The following SNIP1 variants were observed in gnomAD, a reference collection of about 807,000 sequenced individuals.
SNIP1 encodes smad nuclear-interacting protein 1.
In SNIP1, 23 loss-of-function variants were observed where a neutral mutation model predicts 37.4. The observed-to-expected ratio is 0.61, with a 90% CI of 0.44 to 0.87. The LOEUF (loss-of-function observed/expected upper bound fraction) is 0.87, where lower values mean the gene tolerates loss of function less well. Ranked by LOEUF, SNIP1 falls within the 40% of genes least tolerant of loss-of-function variation. The pLI is 0.00. For missense variants in SNIP1, 459 were observed against 540.4 expected, an observed-to-expected ratio of 0.85 and a Z score of 1.49; for synonymous variants, 174 against 200.0, an observed-to-expected ratio of 0.87 and a Z score of 1.10.
chr1:37,538,611 T>G (rs1557624213), intron 3 of SNIP1, among the ~76,000 whole-genome samples: 1 of 152,094 alleles, frequency 6.6e-6, no homozygotes, highest in Non-Finnish European at 1.5e-5. Flanking sequence ...TCTCTTGCTG[T>G]GGTTAAGAAA....
chr1:37,540,866 T>C lies in SNIP1; in HGVS notation c.328-111A>G. The C allele has an allele frequency of 9.5e-7, 1 of 1,051,830 alleles. No individual in the cohort carries two copies. Among genetic ancestry groups the C allele is most frequent in the African/African-American group, 1.6e-5 (1 of 62,972 alleles). The allele number at this position is 1,051,830 out of a possible 1,614,324, so 65.2% of individuals were successfully genotyped here. A position where few individuals can be genotyped will look rare whatever the true frequency, so the allele number is the denominator to read the frequency against. On this transcript the variant is annotated intron_variant, in intron 2 of 3. Transcript: ENST00000296215. The surrounding 1 kb of genome is among the most constrained non-coding windows in gnomAD (Gnocchi z 5.6). Reference sequence around the variant, plus strand: ...GCAAAAAGTCTTGTAATTTGGACTTTGGCATTTAGAACAACATTTCCCACA... The same window carrying C: ...GCAAAAAGTCTTGTAATTTGGACTTCGGCATTTAGAACAACATTTCCCACA...
intron 2 of SNIP1, among the ~76,000 whole-genome samples, chr1:37,545,968 G>A (rs1015083965): frequency 5.3e-5 from 8 of 152,186 alleles, no homozygotes; most frequent in African/African-American, 1.4e-4. Flanking sequence ...TAGTTAGTGC[G>A]GAAAACAGTA....
At position 37,540,773 on chromosome 1, in the gene SNIP1, T is replaced by A. The variant is rs763335494; in HGVS notation, c.328-18A>T. ...TCACGCTCCTAAAATTCAAACAGATTCTGTAATTTAAACGCAGTGCACAAT... is the reference window on the plus strand; with the variant it reads ...TCACGCTCCTAAAATTCAAACAGATACTGTAATTTAAACGCAGTGCACAAT... On this transcript the variant is annotated intron_variant, in intron 2 of 3. Coordinates refer to ENST00000296215, the MANE Select transcript of SNIP1 (RefSeq NM_024700.4). This position sits in a 1 kb window ranked among gnomAD's most constrained non-coding sequence, Gnocchi z 5.6. 8.9e-5 allele frequency: 139 copies of A among 1,565,824 alleles called. No individual in the cohort carries two copies. Among genetic ancestry groups the A allele is most frequent in the Non-Finnish European group, 1.2e-4 (134 of 1,155,546 alleles).
rs542600874 is a variant in SNIP1 at position 37,535,461 on chromosome 1, C to A, written c.*2287G>T. On this transcript the variant is annotated 3_prime_UTR_variant, in exon 4 of 4. Coordinates refer to ENST00000296215, the MANE Select transcript of SNIP1 (RefSeq NM_024700.4). Reference sequence around the variant, plus strand: ...GCATAAAGAATTTCTTAATCCAGGACGTTATTCCTCTACTAAAATAAAAAC... The same window carrying A: ...GCATAAAGAATTTCTTAATCCAGGAAGTTATTCCTCTACTAAAATAAAAAC... 3 of 151,806 alleles carry A rather than the reference C, an allele frequency of 2.0e-5. No homozygotes were observed. The highest frequency in any genetic ancestry group is 2.1e-4 in the South Asian group (1 of 4,808). The allele number at this position is 151,806 out of a possible 1,614,324, so 9.4% of individuals were successfully genotyped here. A position where few individuals can be genotyped will look rare whatever the true frequency, so the allele number is the denominator to read the frequency against.
chr1:37,541,904 AC>A (rs1242325960), intron 2 of SNIP1, among the ~76,000 whole-genome samples: 2 of 152,218 alleles, frequency 1.3e-5, no homozygotes, highest in Non-Finnish European at 2.9e-5. Context: ...ATGAGGTACA[AC>A]AGCAAAACTA....
chr1:37,540,058 T>C lies in SNIP1; in HGVS notation c.926+99A>G. ...TACTCTTTAGATAACATATGAGGGG[T>C]ATGGGATTCTTCTGCATAAACATGA... On this transcript the variant is annotated intron_variant, in intron 3 of 3. Transcript: ENST00000296215. This position sits in a 1 kb window ranked among gnomAD's most constrained non-coding sequence, Gnocchi z 5.6. 1.1e-6 allele frequency: 1 copy of C among 948,318 alleles called. No individual in the cohort carries two copies. Among genetic ancestry groups the C allele is most frequent in the Non-Finnish European group, 1.6e-6 (1 of 620,348 alleles). The allele number at this position is 948,318 out of a possible 1,614,324, so 58.7% of individuals were successfully genotyped here. A position where few individuals can be genotyped will look rare whatever the true frequency, so the allele number is the denominator to read the frequency against.
chr1:37,550,390 G>A (rs1643286840), intron 2 of SNIP1, among the ~76,000 whole-genome samples: 1 of 152,142 alleles, frequency 6.6e-6, no homozygotes, highest in African/African-American at 2.4e-5. Context: ...CAGTAAAAAA[G>A]CAAATAATAG....
intron 2 of SNIP1, among the ~76,000 whole-genome samples, chr1:37,542,885 C>T (rs1310158020): frequency 2.0e-5 from 3 of 151,984 alleles, no homozygotes; most frequent in African/African-American, 7.3e-5. Flanking sequence ...CATGGCAAAA[C>T]CCCATTTCTA....
At chr1:37,543,397 C>T (rs1402462617) in intron 2 of SNIP1, among the ~76,000 whole-genome samples, 6 of 151,378 alleles carry the variant, frequency 4.0e-5, no homozygotes, top group African/African-American at 1.5e-4. Flanking sequence ...ACTGTAATTT[C>T]GTAATTTAAA....
At position 37,540,853 on chromosome 1, in the gene SNIP1, G is replaced by C; in HGVS notation, c.328-98C>G. ...GAACGAAGTGCATGCAAAAAGTCTT[G>C]TAATTTGGACTTTGGCATTTAGAAC... On this transcript the variant is annotated intron_variant, in intron 2 of 3. Transcript: ENST00000296215. This position sits in a 1 kb window ranked among gnomAD's most constrained non-coding sequence, Gnocchi z 5.6. 1 of 1,210,968 alleles carries C rather than the reference G, an allele frequency of 8.3e-7. No homozygotes were observed. Among genetic ancestry groups the C allele is most frequent in the Admixed American group, 2.4e-5 (1 of 41,806 alleles). 75.0% of individuals were successfully genotyped at this position (1,210,968 alleles called of 1,614,324 possible).
Position 37,537,657 on chromosome 1 carries a change from T to C in SNIP1, c.*91A>G, listed in dbSNP as rs539940441. The C allele has an allele frequency of 1.9e-5, 26 of 1,389,686 alleles. No homozygotes were observed. The highest frequency in any genetic ancestry group is 1.9e-4 in the Middle Eastern group (1 of 5,368). The allele number at this position is 1,389,686 out of a possible 1,614,324, so 86.1% of individuals were successfully genotyped here. On this transcript the variant is annotated 3_prime_UTR_variant, in exon 4 of 4. Coordinates refer to ENST00000296215, the MANE Select transcript of SNIP1 (RefSeq NM_024700.4). ...GTAAGAGGCATTACAGAGAGCACCATAGTGCTGGACCCACCACCATAGTGC... is the reference window on the plus strand; with the variant it reads ...GTAAGAGGCATTACAGAGAGCACCACAGTGCTGGACCCACCACCATAGTGC...
At chr1:37,544,575 C>A (rs528195957) in intron 2 of SNIP1, among the ~76,000 whole-genome samples, 10 of 152,140 alleles carry the variant, frequency 6.6e-5, no homozygotes, top group Non-Finnish European at 7.4e-5. Context: ...ACGTTCTTTG[C>A]GGAAAGTCCC....
chr1:37,549,076 G>A (rs1252790174), intron 2 of SNIP1: 9 of 149,420 alleles, frequency 6.0e-5, no homozygotes, highest in Admixed American at 2.0e-4. Flanking sequence ...GATTGTCTAC[G>A]TAGAAAATCC....
In SNIP1 at chr1:37,554,239, T is replaced by C; in HGVS notation, c.-10A>G. The C allele has an allele frequency of 1.3e-6, 2 of 1,586,644 alleles. No homozygotes were observed. The highest frequency in any genetic ancestry group is 1.7e-6 in the Non-Finnish European group (2 of 1,163,920). The stretch of plus-strand genomic sequence containing the variant: ...TCTTCACCGCCTTCATTCTGTGATT[T>C]TGGCTGGGCGAAAGAAAACAGATCA... On this transcript the variant is annotated 5_prime_UTR_variant, in exon 1 of 4. Coordinates refer to ENST00000296215, the MANE Select transcript of SNIP1 (RefSeq NM_024700.4).
chr1:37,540,156 C>A lies in SNIP1; in HGVS notation c.926+1G>T. On this transcript the variant is annotated splice_donor_variant, in intron 3 of 3. Transcript: ENST00000296215. LOFTEE classifies it high-confidence loss of function. This position sits in a 1 kb window ranked among gnomAD's most constrained non-coding sequence, Gnocchi z 5.6. ...ACAGTTTCTTCCTCCATGTTACTTA[C>A]CGATATTGAAAGACCGCATGCTGCT... The A allele has an allele frequency of 6.4e-7, 1 of 1,572,922 alleles. No homozygotes were observed. The highest frequency in any genetic ancestry group is 8.7e-7 in the Non-Finnish European group (1 of 1,154,120).
intron 2 of SNIP1, among the ~76,000 whole-genome samples, chr1:37,546,431 T>C (rs566442864): frequency 1.2e-4 from 19 of 152,278 alleles, no homozygotes; most frequent in Admixed American, 6.5e-4. Flanking sequence ...TCTAGCACTT[T>C]GGGAGGCTGA....
intron 2 of SNIP1, among the ~76,000 whole-genome samples, chr1:37,549,855 A>G (rs1643281542): frequency 6.6e-6 from 1 of 152,264 alleles, no homozygotes; most frequent in Non-Finnish European, 1.5e-5. Context: ...ATATAGCTAT[A>G]GTAATCAAGA....
Position 37,552,541 on chromosome 1 carries a change from C to T in SNIP1, c.327+104G>A, listed in dbSNP as rs137936497. The T allele has an allele frequency of 2.8e-3, 2,574 of 907,934 alleles. 48 individuals are homozygous for T. In the African/African-American group the frequency reaches 0.039, roughly 14 times the overall value. 56.2% of individuals were successfully genotyped at this position (907,934 alleles called of 1,614,324 possible). A position where few individuals can be genotyped will look rare whatever the true frequency, so the allele number is the denominator to read the frequency against. The stretch of plus-strand genomic sequence containing the variant: ...ACAAGTAGAGATGTAGGCGAGCGTA[C>T]GTGCACATGTGTGCACACACACAAC... On this transcript the variant is annotated intron_variant, in intron 2 of 3. Transcript: ENST00000296215.
intron 2 of SNIP1, chr1:37,544,788 G>T (rs867043124): frequency 3.4e-5 from 25 of 738,856 alleles, no homozygotes; most frequent in South Asian, 3.4e-4. Flanking sequence ...CCCCCTCGCA[G>T]GTGCGCCAGA....
Sources: allele counts gnomAD v4.1 joint callset (sites outside exome capture counted in the v4.1 genomes callset), GRCh38; gene constraint gnomAD v4.1.1; non-coding constraint Gnocchi (gnomAD v3.1); transcripts MANE v1.5; gene names NCBI Gene and HGNC (gene_info 2026-07-23, HGNC 2026-07-21).